Variants in IL12RB2 observed in about 807,000 individuals in gnomAD.
The protein encoded by IL12RB2 is interleukin-12 receptor subunit beta-2.
IL12RB2 carries 82 observed loss-of-function variants against 89.4 expected under a neutral mutation model. The ratio of observed to expected loss-of-function variants is 0.92; its 90% CI spans 0.77 to 1.10. IL12RB2 has a LOEUF of 1.10. IL12RB2 is among the 50% of genes least tolerant of loss of function. The probability of loss-of-function intolerance (pLI) is 0.00; values close to 1 mark genes in which losing one functional copy is unlikely to be tolerated. For missense variants in IL12RB2, 963 were observed against 1,031.9 expected, an observed-to-expected ratio of 0.93 and a Z score of 0.92; for synonymous variants, 368 against 370.1, an observed-to-expected ratio of 0.99 and a Z score of 0.07.
chr1:67,375,130 C>T (rs954226019), intron 13 of IL12RB2, among the ~76,000 whole-genome samples: 2 of 151,998 alleles, frequency 1.3e-5, no homozygotes, highest in Non-Finnish European at 2.9e-5. Context: ...CATGGTGGCT[C>T]ATGCCTGTAA....
chr1:67,363,307 C>T (rs568381142), intron 10 of IL12RB2, among the ~76,000 whole-genome samples: 123 of 149,808 alleles, frequency 8.2e-4, no homozygotes, highest in African/African-American at 3.0e-3. Context: ...ACCTCCGCCT[C>T]CCAGGTTCAA....
Position 67,349,087 on chromosome 1 carries a change from T to A in IL12RB2, c.1039-1783T>A, listed in dbSNP as rs116148111. Among the ~76,000 whole-genome samples the A allele has an allele frequency of 3.5e-3, 529 of 152,310 alleles. 4 individuals are homozygous for A. Among genetic ancestry groups the A allele is most frequent in the African/African-American group, 0.011 (468 of 41,554 alleles). On this transcript the variant is annotated intron_variant, in intron 9 of 16. Coordinates refer to ENST00000674203, the MANE Select transcript of IL12RB2 (RefSeq NM_001374259.2). ...GTGATCAGCTAGATTTTCACAGCAG[T>A]CACTATGCACAGCCATTGGATCCAA...
At chr1:67,332,562 T>A (rs774134610) in intron 8 of IL12RB2, among the ~76,000 whole-genome samples, 3 of 152,250 alleles carry the variant, frequency 2.0e-5, no homozygotes, top group Non-Finnish European at 4.4e-5. Flanking sequence ...ACTCATTTTA[T>A]AATAAAATCT....
intron 16 of IL12RB2, among the ~76,000 whole-genome samples, chr1:67,393,513 C>T (rs1174305130): frequency 2.0e-5 from 3 of 152,204 alleles, no homozygotes; most frequent in Non-Finnish European, 4.4e-5. Flanking sequence ...TTTGGCGGCT[C>T]AGCTTCCCAG....
intron 15 of IL12RB2, among the ~76,000 whole-genome samples, chr1:67,388,951 T>A (rs1665517933): frequency 6.6e-6 from 1 of 152,100 alleles, no homozygotes. Flanking sequence ...TTGGGTAGAC[T>A]TTGAAAAAGT....
intron 9 of IL12RB2, among the ~76,000 whole-genome samples, chr1:67,347,137 G>A (rs997264574): frequency 6.6e-6 from 1 of 152,140 alleles, no homozygotes; most frequent in African/African-American, 2.4e-5. Flanking sequence ...CTATGTGGTA[G>A]AGCAAGGAAG....
At chr1:67,313,567 G>A (rs1359188548) in intron 1 of IL12RB2, among the ~76,000 whole-genome samples, 13 of 152,150 alleles carry the variant, frequency 8.5e-5, no homozygotes. Context: ...GCTCATGCCT[G>A]TAATCTCAGC....
chr1:67,379,727 T>C (rs930321078), intron 13 of IL12RB2, among the ~76,000 whole-genome samples: 3 of 151,552 alleles, frequency 2.0e-5, no homozygotes, highest in Non-Finnish European at 4.4e-5. Flanking sequence ...GAAAAGAAAA[T>C]TAGAAAATAA....
Position 67,386,635 on chromosome 1 carries a change from G to T in IL12RB2, c.1912G>T (p.Val638Leu). ...APSICIAIIM[V>L]GIFSTHYFQQ... ...AAGCATTTGCATTGCTATCATCATG[G>T]TGGGCATTTTCTCAACGCATTACTT... Residue 638 changes from valine to leucine, a missense_variant, in exon 15 of 17, where the codon GTG becomes TTG. Physicochemically the swap from Val to Leu is conservative, Grantham distance 32. Transcript: ENST00000674203. 6.2e-7 allele frequency: 1 copy of T among 1,613,564 alleles called. No individual in the cohort carries two copies. The highest frequency in any genetic ancestry group is 1.7e-4 in the Middle Eastern group (1 of 6,058).
At chr1:67,362,691 C>A (rs1051956638) in intron 10 of IL12RB2, among the ~76,000 whole-genome samples, 1 of 150,704 alleles carries the variant, frequency 6.6e-6, no homozygotes, top group Non-Finnish European at 1.5e-5. Flanking sequence ...GCAGTCTATA[C>A]GCTGTGAAAT....
chr1:67,360,406 A>G (rs1215165237), intron 10 of IL12RB2, among the ~76,000 whole-genome samples: 2 of 151,460 alleles, frequency 1.3e-5, no homozygotes, highest in African/African-American at 2.4e-5. Context: ...CAGAAAGAAA[A>G]AAAAAAAAAG....
chr1:67,387,311 C>G (rs1665305947), intron 15 of IL12RB2, among the ~76,000 whole-genome samples: 1 of 152,000 alleles, frequency 6.6e-6, no homozygotes, highest in African/African-American at 2.4e-5. Flanking sequence ...ATATTTGAGA[C>G]AACCTAAACG....
intron 4 of IL12RB2, among the ~76,000 whole-genome samples, chr1:67,322,399 C>T (rs545981707): frequency 6.9e-6 from 1 of 145,840 alleles, no homozygotes; most frequent in Non-Finnish European, 1.5e-5. Flanking sequence ...ATCATACTTA[C>T]TATCTTTTCC....
chr1:67,322,896 G>C (rs539348871), intron 4 of IL12RB2, among the ~76,000 whole-genome samples: 1 of 152,334 alleles, frequency 6.6e-6, no homozygotes, highest in East Asian at 1.9e-4. Flanking sequence ...TAGCCTTGCA[G>C]GTCCAACCAG....
rs1422530384 is a variant in IL12RB2 at position 67,307,949 on chromosome 1, C to T, written c.-143C>T. 1 of 151,954 alleles carries T rather than the reference C, an allele frequency of 6.6e-6. No homozygotes were observed. 9.4% of individuals were successfully genotyped at this position (151,954 alleles called of 1,614,324 possible). On this transcript the variant is annotated 5_prime_UTR_variant, in exon 1 of 17. Transcript: ENST00000674203. ...GTCCCCGCAGGCCCGGGACCGCGCC[C>T]GCTGGCAGGCGACACGTGGTGAGTG...
intron 2 of IL12RB2, among the ~76,000 whole-genome samples, chr1:67,320,049 C>G (rs1041578745): frequency 6.6e-6 from 1 of 152,104 alleles, no homozygotes; most frequent in Admixed American, 6.5e-5. Flanking sequence ...TGTTTATTAC[C>G]TACCCAGGTC....
intron 3 of IL12RB2, among the ~76,000 whole-genome samples, chr1:67,321,029 G>A (rs967859799): frequency 2.0e-5 from 3 of 150,448 alleles, no homozygotes; most frequent in Admixed American, 2.0e-4. Flanking sequence ...TGTTCAGCAC[G>A]TTTTTCTTCC....
intron 10 of IL12RB2, among the ~76,000 whole-genome samples, chr1:67,357,311 G>A (rs1049841455): frequency 3.3e-5 from 5 of 152,204 alleles, no homozygotes; most frequent in Admixed American, 6.5e-5. Flanking sequence ...CTGGGAAGTG[G>A]AGGTTGCAGT....
chr1:67,341,553 A>AGAAAG (rs371685582), intron 9 of IL12RB2, among the ~76,000 whole-genome samples: 6 of 125,392 alleles, frequency 4.8e-5, no homozygotes, highest in Non-Finnish European at 1.0e-4. Flanking sequence ...GAAAGAAAGA[A>AGAAAG]AGAAAGAAAG....
Sources: allele counts gnomAD v4.1 joint callset (sites outside exome capture counted in the v4.1 genomes callset), GRCh38; gene constraint gnomAD v4.1.1; transcripts MANE v1.5; gene names NCBI Gene and HGNC (gene_info 2026-07-23, HGNC 2026-07-21).